The following LRP1B variants were observed in gnomAD, a reference collection of about 807,000 sequenced individuals.
LRP1B encodes the protein low-density lipoprotein receptor-related protein 1B.
A neutral mutation model predicts 556.6 loss-of-function variants in LRP1B; 217 were observed. The ratio of observed to expected loss-of-function variants is 0.39; its 90% CI spans 0.35 to 0.44. The LOEUF (loss-of-function observed/expected upper bound fraction) is 0.44, where lower values mean the gene tolerates loss of function less well. Ranked by LOEUF, LRP1B falls within the 20% of genes least tolerant of loss-of-function variation. The pLI is 1.00. For synonymous variants in LRP1B, 2,047 were observed against 1,865.8 expected (o/e 1.10, Z -2.50); for missense variants, 5,053 against 5,620.8 (o/e 0.90, Z 3.23).
intron 27 of LRP1B, among the ~76,000 whole-genome samples, chr2:140,858,816 T>C (rs1389705366): frequency 6.6e-6 from 1 of 152,120 alleles, no homozygotes; most frequent in Non-Finnish European, 1.5e-5. Context: ...CTCCCACTTA[T>C]AAGTGCGAAT....
At chr2:140,666,187 G>C (rs1001339497) in intron 41 of LRP1B, among the ~76,000 whole-genome samples, 2 of 151,558 alleles carry the variant, frequency 1.3e-5, no homozygotes, top group African/African-American at 4.8e-5. Context: ...TAGAGGCGGG[G>C]CTTCACCATC....
At position 141,734,894 on chromosome 2, in the gene LRP1B, C is replaced by T. The variant is rs867011776; in HGVS notation, c.205+75385G>A. The stretch of plus-strand genomic sequence containing the variant: ...TGGAGCCGTTTGAAAAGAAAGGATG[C>T]TAACTTTTGGCCAGAACTGAAGTCT... On this transcript the variant is annotated intron_variant, in intron 2 of 90. Coordinates refer to ENST00000389484, the MANE Select transcript of LRP1B (RefSeq NM_018557.3). Among the ~76,000 whole-genome samples, 100 of 152,218 alleles carry T rather than the reference C, an allele frequency of 6.6e-4. No individual in the cohort carries two copies. In the Middle Eastern group the frequency reaches 0.017, roughly 26 times the overall value.
At chr2:141,705,143 A>G (rs1692091132) in intron 2 of LRP1B, among the ~76,000 whole-genome samples, 2 of 152,018 alleles carry the variant, frequency 1.3e-5, no homozygotes, top group Non-Finnish European at 2.9e-5. Flanking sequence ...TGAGGCATAA[A>G]CACATATAGT....
intron 43 of LRP1B, among the ~76,000 whole-genome samples, chr2:140,556,197 C>A (rs1453062079): frequency 6.6e-6 from 1 of 152,062 alleles, no homozygotes; most frequent in Non-Finnish European, 1.5e-5. Context: ...CTTCTCTCTC[C>A]TTTCTCCCCT....
intron 47 of LRP1B, among the ~76,000 whole-genome samples, chr2:140,527,967 T>A (rs1336495457): frequency 6.6e-6 from 1 of 151,910 alleles, no homozygotes; most frequent in Non-Finnish European, 1.5e-5. Context: ...CTATAATTGT[T>A]CATCTCATAA....
chr2:141,297,754 G>A (rs551879306), intron 3 of LRP1B, among the ~76,000 whole-genome samples: 1 of 152,076 alleles, frequency 6.6e-6, no homozygotes, highest in South Asian at 2.1e-4. Flanking sequence ...CATATACAAC[G>A]GTGCTCCCTA....
intron 23 of LRP1B, among the ~76,000 whole-genome samples, chr2:140,893,797 TGAA>T (rs1218698431): frequency 8.5e-5 from 13 of 152,260 alleles, no homozygotes; most frequent in South Asian, 2.1e-4. Context: ...ACGGAATATG[TGAA>T]GAAGATGACT....
At chr2:140,965,637 T>C (rs1696186810) in intron 18 of LRP1B, among the ~76,000 whole-genome samples, 4 of 152,162 alleles carry the variant, frequency 2.6e-5, no homozygotes, top group Admixed American at 2.6e-4. Context: ...ACTTGTGCCA[T>C]GTTGGTGTGC....
At chr2:141,449,392 A>C (rs1187384475) in intron 3 of LRP1B, among the ~76,000 whole-genome samples, 1 of 152,158 alleles carries the variant, frequency 6.6e-6, no homozygotes, top group Non-Finnish European at 1.5e-5. Context: ...GTAAGAAAAA[A>C]ATTTCTTTGG....
chr2:141,452,908 C>A (rs944173521), intron 3 of LRP1B, among the ~76,000 whole-genome samples: 2 of 152,112 alleles, frequency 1.3e-5, no homozygotes, highest in African/African-American at 4.8e-5. Flanking sequence ...TATTATTTCA[C>A]CAAAGGCCTG....
At chr2:141,028,695 ATC>A (rs1407970943) in intron 11 of LRP1B, among the ~76,000 whole-genome samples, 1 of 152,102 alleles carries the variant, frequency 6.6e-6, no homozygotes, top group Non-Finnish European at 1.5e-5. Flanking sequence ...TGATTCTTAG[ATC>A]TTTTTAATCA....
intron 2 of LRP1B, among the ~76,000 whole-genome samples, chr2:141,775,613 T>C (rs1695039943): frequency 6.6e-6 from 1 of 152,206 alleles, no homozygotes; most frequent in South Asian, 2.1e-4. Flanking sequence ...GGTTATTACC[T>C]GGTGGCAGAG....
intron 3 of LRP1B, among the ~76,000 whole-genome samples, chr2:141,279,833 A>G (rs1449071186): frequency 6.6e-6 from 1 of 152,134 alleles, no homozygotes; most frequent in Non-Finnish European, 1.5e-5. Context: ...GATAAGGGAT[A>G]ATACAATAGG....
intron 11 of LRP1B, among the ~76,000 whole-genome samples, chr2:141,046,670 G>A (rs1698879908): frequency 6.6e-6 from 1 of 152,106 alleles, no homozygotes; most frequent in Non-Finnish European, 1.5e-5. Context: ...AACCACCAAT[G>A]TCCTTGATAT....
At chr2:141,858,004 T>C (rs1274907924) in intron 1 of LRP1B, among the ~76,000 whole-genome samples, 1 of 152,188 alleles carries the variant, frequency 6.6e-6, no homozygotes, top group African/African-American at 2.4e-5. Flanking sequence ...GATGCTAGAA[T>C]AGAAATCTTT....
intron 1 of LRP1B, among the ~76,000 whole-genome samples, chr2:141,868,081 T>G (rs1329615371): frequency 2.6e-5 from 4 of 152,188 alleles, no homozygotes; most frequent in African/African-American, 9.6e-5. Context: ...CTATTCTGAC[T>G]GCCAAATCCT....
intron 2 of LRP1B, among the ~76,000 whole-genome samples, chr2:141,714,573 T>C (rs1399438180): frequency 6.6e-6 from 1 of 151,906 alleles, no homozygotes; most frequent in Non-Finnish European, 1.5e-5. Flanking sequence ...TGAATGTACC[T>C]ATTGATTTAT....
At chr2:141,019,159 G>A (rs1697994907) in intron 12 of LRP1B, among the ~76,000 whole-genome samples, 1 of 151,944 alleles carries the variant, frequency 6.6e-6, no homozygotes, top group Non-Finnish European at 1.5e-5. Context: ...TTGCATTCAG[G>A]TAATAGCGCT....
At chr2:141,565,310 C>A (rs1215349572) in intron 2 of LRP1B, among the ~76,000 whole-genome samples, 1 of 152,126 alleles carries the variant, frequency 6.6e-6, no homozygotes, top group Non-Finnish European at 1.5e-5. Flanking sequence ...TTACCCCACC[C>A]TGGGAGACAC....
Sources: allele counts gnomAD v4.1 joint callset (sites outside exome capture counted in the v4.1 genomes callset), GRCh38; gene constraint gnomAD v4.1.1; transcripts MANE v1.5; gene names NCBI Gene and HGNC (gene_info 2026-07-23, HGNC 2026-07-21).